ST6GALNAC3: variants seen among roughly 807,000 people sequenced by gnomAD.
The protein encoded by ST6GALNAC3 is alpha-N-acetylgalactosaminide alpha-2,6-sialyltransferase 3.
ST6GALNAC3 carries 25 observed loss-of-function variants against 32.7 expected under a neutral mutation model. The ratio of observed to expected loss-of-function variants is 0.76; its 90% CI spans 0.56 to 1.07. The LOEUF is 1.07. ST6GALNAC3 is among the 50% of genes least tolerant of loss of function. The pLI is 0.00. For missense variants in ST6GALNAC3, 355 were observed against 382.4 expected (o/e 0.93, Z 0.60); for synonymous variants, 129 against 133.1 (o/e 0.97, Z 0.21).
chr1:76,195,884 T>TG (rs147560209), intron 1 of ST6GALNAC3, among the ~76,000 whole-genome samples: 12,756 of 152,084 alleles, frequency 0.084, 590 homozygotes, highest in African/African-American at 0.12. Flanking sequence ...TGAAGGAGTA[T>TG]GGGTGAGGAA....
At chr1:76,368,960 C>A (rs1198134399) in intron 2 of ST6GALNAC3, among the ~76,000 whole-genome samples, 1 of 152,138 alleles carries the variant, frequency 6.6e-6, no homozygotes, top group African/African-American at 2.4e-5. Context: ...CCTCTCTGTC[C>A]CCATCAGTGT....
chr1:76,613,686 G>A (rs572587811), intron 3 of ST6GALNAC3, among the ~76,000 whole-genome samples: 35 of 152,322 alleles, frequency 2.3e-4, no homozygotes, highest in African/African-American at 8.2e-4. Context: ...GTTTAAAAGT[G>A]TGTAGCCCCT....
At chr1:76,234,254 G>A (rs551388026) in intron 1 of ST6GALNAC3, among the ~76,000 whole-genome samples, 1 of 152,224 alleles carries the variant, frequency 6.6e-6, no homozygotes, top group Admixed American at 6.5e-5. Flanking sequence ...CCCGGTAGTG[G>A]CCTAGATTCT....
rs11802363 is a variant in ST6GALNAC3, at chr1:76,599,062, C to T, written c.624-28390C>T. On this transcript the variant is annotated intron_variant, in intron 3 of 4. Transcript: ENST00000328299. ...TCATGGTTGTAGGTTCATTGCATTG[C>T]TTTTTTCTTACAGACATTTTGATAA... Among the ~76,000 whole-genome samples the T allele has an allele frequency of 5.8e-3, 885 of 152,040 alleles. 6 individuals carry two copies. The highest frequency in any genetic ancestry group is 0.02 in the African/African-American group (836 of 41,482).
chr1:76,132,180 G>A (rs760523149), intron 1 of ST6GALNAC3, among the ~76,000 whole-genome samples: 15 of 152,272 alleles, frequency 9.9e-5, no homozygotes, highest in Non-Finnish European at 1.9e-4. Flanking sequence ...CTGTGGGAGC[G>A]TGGAGCCTTT....
chr1:76,105,847 A>G (rs1187167064), intron 1 of ST6GALNAC3, among the ~76,000 whole-genome samples: 1 of 152,234 alleles, frequency 6.6e-6, no homozygotes, highest in Non-Finnish European at 1.5e-5. Flanking sequence ...TTGTACAAAT[A>G]CCACTTCAAA....
At chr1:76,425,860 A>T (rs1049842732) in intron 3 of ST6GALNAC3, among the ~76,000 whole-genome samples, 9 of 151,932 alleles carry the variant, frequency 5.9e-5, no homozygotes, top group Non-Finnish European at 1.3e-4. Flanking sequence ...TGGACTAGAG[A>T]TTTCACTGTG....
intron 2 of ST6GALNAC3, among the ~76,000 whole-genome samples, chr1:76,322,860 AC>A (rs1646995723): frequency 6.7e-6 from 1 of 148,620 alleles, no homozygotes; most frequent in African/African-American, 2.5e-5. Context: ...TCATTTATTG[AC>A]ATGGAGTCTC....
At chr1:76,420,152 C>T (rs912095217) in intron 3 of ST6GALNAC3, among the ~76,000 whole-genome samples, 24 of 151,966 alleles carry the variant, frequency 1.6e-4, no homozygotes, top group African/African-American at 5.8e-4. Context: ...ACCTGCTGAC[C>T]CAAATGATTT....
At chr1:76,539,749 GA>G (rs1215963976) in intron 3 of ST6GALNAC3, among the ~76,000 whole-genome samples, 3 of 151,820 alleles carry the variant, frequency 2.0e-5, no homozygotes, top group African/African-American at 7.3e-5. Context: ...CAACAAACAG[GA>G]AAAAAATCTC....
At chr1:76,550,137 A>G (rs967395425) in intron 3 of ST6GALNAC3, among the ~76,000 whole-genome samples, 1 of 152,096 alleles carries the variant, frequency 6.6e-6, no homozygotes, top group Non-Finnish European at 1.5e-5. Flanking sequence ...CATGTTGTTT[A>G]TGATGTTGCT....
At chr1:76,322,885 G>A (rs985597466) in intron 2 of ST6GALNAC3, among the ~76,000 whole-genome samples, 1 of 151,854 alleles carries the variant, frequency 6.6e-6, no homozygotes, top group African/African-American at 2.4e-5. Flanking sequence ...CTGTCACTTA[G>A]GCTGGAGTTC....
intron 3 of ST6GALNAC3, among the ~76,000 whole-genome samples, chr1:76,546,818 A>G (rs1664326796): frequency 6.6e-6 from 1 of 152,238 alleles, no homozygotes; most frequent in African/African-American, 2.4e-5. Context: ...CTCTGTGGAC[A>G]GTTGTAGCTG....
intron 1 of ST6GALNAC3, among the ~76,000 whole-genome samples, chr1:76,261,683 T>G (rs1658245941): frequency 6.6e-6 from 1 of 152,160 alleles, no homozygotes; most frequent in African/African-American, 2.4e-5. Context: ...ATGAAGCAGG[T>G]GCCAAACAGC....
intron 3 of ST6GALNAC3, among the ~76,000 whole-genome samples, chr1:76,511,607 G>T (rs1408378320): frequency 6.6e-6 from 1 of 152,138 alleles, no homozygotes; most frequent in Non-Finnish European, 1.5e-5. Flanking sequence ...CAGCCCTTGT[G>T]CAGTACCTGG....
At chr1:76,273,327 AC>A (rs965572046) in intron 1 of ST6GALNAC3, among the ~76,000 whole-genome samples, 2 of 152,038 alleles carry the variant, frequency 1.3e-5, no homozygotes, top group African/African-American at 2.4e-5. Context: ...GGAAAAAAAA[AC>A]AAGTAAGATT....
rs1395705851 is a variant in ST6GALNAC3 at position 76,502,205 on chromosome 1, G to C, written c.623+89788G>C. Among the ~76,000 whole-genome samples, 2 of 152,198 alleles carry C rather than the reference G, an allele frequency of 1.3e-5. 1 individual carries two copies. Among genetic ancestry groups the C allele is most frequent in the Non-Finnish European group, 2.9e-5 (2 of 68,048 alleles). ...ATTTGAGATCAAGGGATCTCTTCCT[G>C]TTACCTAAAGAAAAATTAGAGCACT... On this transcript the variant is annotated intron_variant, in intron 3 of 4. Transcript: ENST00000328299.
intron 1 of ST6GALNAC3, among the ~76,000 whole-genome samples, chr1:76,094,073 A>C (rs193244733): frequency 7.6e-4 from 116 of 152,296 alleles, no homozygotes; most frequent in Non-Finnish European, 1.4e-3. Context: ...CCTGACAGTC[A>C]CTGCAGGGCA....
intron 1 of ST6GALNAC3, among the ~76,000 whole-genome samples, chr1:76,176,077 G>T (rs1398018045): frequency 6.6e-6 from 1 of 152,034 alleles, no homozygotes; most frequent in Non-Finnish European, 1.5e-5. Flanking sequence ...ACAGTTTAGG[G>T]TGAATTCTAA....
Sources: gnomAD v4.1 joint callset for allele counts (sites outside exome capture counted in the v4.1 genomes callset) on GRCh38, gnomAD v4.1.1 for gene constraint, MANE v1.5 for transcripts, NCBI Gene and HGNC (gene_info 2026-07-23, HGNC 2026-07-21) for gene names.